Variants in WDPCP observed in about 807,000 individuals in gnomAD.
The protein encoded by WDPCP is WD repeat containing planar cell polarity effector, also known as WD repeat-containing and planar cell polarity effector protein fritz homolog.
In WDPCP, 71 loss-of-function variants were observed where a neutral mutation model predicts 93.1. The observed-to-expected ratio is 0.76, with a 90% CI of 0.63 to 0.93. The LOEUF (loss-of-function observed/expected upper bound fraction) is 0.93, where lower values mean the gene tolerates loss of function less well. WDPCP is among the 40% of genes least tolerant of loss of function. WDPCP has a pLI of 0.00. For synonymous variants in WDPCP, 315 were observed against 315.0 expected, an observed-to-expected ratio of 1.00 and a Z score of 0.00; for missense variants, 844 against 887.4, an observed-to-expected ratio of 0.95 and a Z score of 0.62.
upstream of WDPCP, chr2:63,589,418 C>G (rs1176922650): frequency 6.5e-7 from 1 of 1,535,062 alleles, no homozygotes; most frequent in Non-Finnish European, 8.8e-7. Flanking sequence ...GGGTCCTAAC[C>G]CCTTTTTCTC....
intron 3 of WDPCP, chr2:63,606,918 G>T: frequency 6.2e-7 from 1 of 1,612,696 alleles, no homozygotes; most frequent in Non-Finnish European, 8.5e-7. Flanking sequence ...CACGTGAGAA[G>T]ATGGATCTTA....
chr2:63,296,348 G>A (rs954421188), intron 13 of WDPCP, among the ~76,000 whole-genome samples: 2 of 152,108 alleles, frequency 1.3e-5, no homozygotes, highest in Admixed American at 6.6e-5. Context: ...ATACTGAATG[G>A]AGAAAATTTG....
chr2:63,494,687 G>A (rs1362409481), intron 1 of WDPCP, among the ~76,000 whole-genome samples: 4 of 151,982 alleles, frequency 2.6e-5, no homozygotes, highest in South Asian at 2.1e-4. Context: ...TTGGGAGGCC[G>A]AGGCGGGGGG....
intron 3 of WDPCP, among the ~76,000 whole-genome samples, chr2:63,635,210 G>A (rs1709909058): frequency 6.6e-6 from 1 of 151,888 alleles, no homozygotes; most frequent in African/African-American, 2.4e-5. Context: ...TAAATAATAA[G>A]AACATTGAAT....
At chr2:63,570,195 C>T (rs1033095298) in intron 1 of WDPCP, among the ~76,000 whole-genome samples, 3 of 152,072 alleles carry the variant, frequency 2.0e-5, no homozygotes, top group East Asian at 1.9e-4. Flanking sequence ...CAAAAACACC[C>T]GTGTAAACAA....
chr2:63,646,178 T>C (rs1710047675), intron 3 of WDPCP, among the ~76,000 whole-genome samples: 1 of 152,152 alleles, frequency 6.6e-6, no homozygotes, highest in East Asian at 1.9e-4. Flanking sequence ...TGTATGGTTT[T>C]TGGTTGGAGG....
intron 2 of WDPCP, among the ~76,000 whole-genome samples, chr2:63,802,945 C>G (rs1257198326): frequency 2.0e-5 from 3 of 151,998 alleles, no homozygotes; most frequent in African/African-American, 7.2e-5. Flanking sequence ...AGGAGTGAAC[C>G]CTTTTTACAT....
chr2:63,137,931 G>T (rs1297082919), intron 17 of WDPCP, among the ~76,000 whole-genome samples: 1 of 151,976 alleles, frequency 6.6e-6, no homozygotes, highest in Admixed American at 6.6e-5. Context: ...TTTTTGTACA[G>T]GTACCATGCT....
At position 63,313,267 on chromosome 2, in the gene WDPCP, C is replaced by T. The variant is rs771029060; in HGVS notation, c.1793G>A (p.Gly598Asp). ...EKAFLLAVDV[G>D]ARDLFMDIHY... ...ACTCACCATAAAGAGGTCACGAGCA[C>T]CAACGTCAACAGCTAGGAGAAATGC... Residue 598 changes from glycine (G) to aspartate (D), a missense_variant, in exon 13 of 18, where the codon GGT (glycine) becomes GAT (aspartate). By Grantham distance (94) the Gly-to-Asp change is moderately conservative. Transcript: ENST00000272321. The T allele has an allele frequency of 4.1e-5, 66 of 1,613,580 alleles. 1 individual carries two copies. The East Asian group carries it at 1.4e-3, about 33-fold the overall frequency.
rs569576239 is a variant in WDPCP, at chr2:63,300,866, A to G, written c.1812+12382T>C. Among the ~76,000 whole-genome samples, 8 of 152,112 alleles carry G rather than the reference A, an allele frequency of 5.3e-5. No homozygotes were observed. The South Asian group carries it at 1.7e-3, about 32-fold the overall frequency. ...GGTCTGGAGAGTACATGGCATTTCC[A>G]GGTCTCTCTGTCCTTGGTCTAGAGA... On this transcript the variant is annotated intron_variant, in intron 13 of 17. Coordinates refer to ENST00000272321, the MANE Select transcript of WDPCP (RefSeq NM_015910.7).
intron 2 of WDPCP, among the ~76,000 whole-genome samples, chr2:63,694,534 C>G (rs1054608327): frequency 6.6e-6 from 1 of 152,132 alleles, no homozygotes; most frequent in East Asian, 1.9e-4. Flanking sequence ...AATTTAGGAG[C>G]CTTTTCAAGC....
intron 3 of WDPCP, among the ~76,000 whole-genome samples, chr2:63,619,912 G>A (rs115432781): frequency 0.018 from 2,703 of 152,224 alleles, 67 homozygotes; most frequent in African/African-American, 0.058. Context: ...CCTGGGAAGC[G>A]CAAGGGGTCG....
intron 1 of WDPCP, among the ~76,000 whole-genome samples, chr2:63,555,204 G>A (rs973659845): frequency 2.6e-5 from 4 of 152,204 alleles, no homozygotes; most frequent in Non-Finnish European, 5.9e-5. Context: ...TCACAGCATA[G>A]CACAGTGCCT....
At chr2:63,416,648 C>T (rs1052358926) in intron 9 of WDPCP, among the ~76,000 whole-genome samples, 1 of 152,032 alleles carries the variant, frequency 6.6e-6, no homozygotes, top group African/African-American at 2.4e-5. Context: ...CTCAGCCTCC[C>T]GAGTAGCTGG....
intron 14 of WDPCP, among the ~76,000 whole-genome samples, chr2:63,232,064 A>G (rs569114392): frequency 7.2e-5 from 11 of 152,344 alleles, no homozygotes; most frequent in African/African-American, 2.6e-4. Flanking sequence ...AAACCTGACA[A>G]AAACAAGCAA....
chr2:63,426,280 T>G (rs906937958), intron 9 of WDPCP, among the ~76,000 whole-genome samples: 1 of 152,064 alleles, frequency 6.6e-6, no homozygotes, highest in African/African-American at 2.4e-5. Flanking sequence ...AAGCGGAGGT[T>G]GCAGTGAGCC....
intron 2 of WDPCP, among the ~76,000 whole-genome samples, chr2:63,812,345 T>A (rs781574557): frequency 2.0e-5 from 3 of 152,362 alleles, no homozygotes; most frequent in Non-Finnish European, 4.4e-5. Context: ...TCCATGTCTT[T>A]GCTATTATGA....
intron 3 of WDPCP, among the ~76,000 whole-genome samples, chr2:63,640,629 T>G (rs571127928): frequency 1.3e-5 from 2 of 152,302 alleles, no homozygotes; most frequent in African/African-American, 4.8e-5. Context: ...GGCACATCCA[T>G]GCCATGGAAT....
At chr2:63,403,071 A>G (rs1416206600) in intron 10 of WDPCP, among the ~76,000 whole-genome samples, 1 of 152,190 alleles carries the variant, frequency 6.6e-6, no homozygotes, top group Non-Finnish European at 1.5e-5. Context: ...AATGTGGTAC[A>G]CTGTGGAATA....
Sources: allele counts gnomAD v4.1 joint callset (sites outside exome capture counted in the v4.1 genomes callset), GRCh38; gene constraint gnomAD v4.1.1; transcripts MANE v1.5; gene names NCBI Gene and HGNC (gene_info 2026-07-23, HGNC 2026-07-21).